Variants in LRP8 observed in about 807,000 individuals in gnomAD.
The protein encoded by LRP8 is LDL receptor related protein 8.
A neutral mutation model predicts 111.6 loss-of-function variants in LRP8; 46 were observed. That is an observed-to-expected ratio of 0.41 (90% CI 0.33 to 0.53). The LOEUF is 0.53. LRP8 is among the 20% of genes least tolerant of loss of function. LRP8 has a pLI of 0.20. For missense variants in LRP8, 959 were observed against 1,297.4 expected (o/e 0.74, Z 4.01); for synonymous variants, 464 against 511.2 (o/e 0.91, Z 1.24).
rs946052596 is a variant in LRP8, at chr1:53,280,819, G to T, written c.368-104C>A. On this transcript the variant is annotated intron_variant, in intron 3 of 18. Transcript: ENST00000306052. ...CCAGCCATCTGGTCCAAGGCCCTAG[G>T]AGTCCATCAGGGCTCTTCTGGCCCA... is the stretch of plus-strand genomic sequence containing the variant. 28 of 1,405,308 alleles carry T rather than the reference G, an allele frequency of 2.0e-5. No individual in the cohort carries two copies. The Admixed American group carries it at 5.3e-4, about 26-fold the overall frequency. The allele number at this position is 1,405,308 out of a possible 1,614,324, so 87.1% of individuals were successfully genotyped here.
intron 2 of LRP8, among the ~76,000 whole-genome samples, chr1:53,311,458 G>A (rs1056732127): frequency 2.0e-5 from 3 of 151,960 alleles, no homozygotes; most frequent in Non-Finnish European, 2.9e-5. Context: ...GCCACAAAGC[G>A]CCCTCCCCCA....
In LRP8 at chr1:53,276,794, T is replaced by TGGCGCAGGCGGC; in HGVS notation, c.769_780dup (p.Ala257_Ala260dup). ...CTGCGGCAGGCGAACTGGGAGGCGG[T>TGGCGCAGGCGGC]GGCGCAGGCGGCGGGCGCGGACGTG... On this transcript the variant is annotated inframe_insertion, in exon 5 of 19. Coordinates refer to ENST00000306052, the MANE Select transcript of LRP8 (RefSeq NM_004631.5). The TGGCGCAGGCGGC allele has an allele frequency of 7.3e-7, 1 of 1,363,576 alleles. No individual in the cohort carries two copies. The highest frequency in any genetic ancestry group is 9.5e-7 in the Non-Finnish European group (1 of 1,053,808). 84.5% of individuals were successfully genotyped at this position (1,363,576 alleles called of 1,614,324 possible).
intron 1 of LRP8, among the ~76,000 whole-genome samples, chr1:53,327,570 C>G (rs569975986): frequency 6.6e-6 from 1 of 152,352 alleles, no homozygotes; most frequent in East Asian, 1.9e-4. Flanking sequence ...CACCCCTCCC[C>G]CAAGATCCGC....
rs1557734195 is a variant in LRP8, at chr1:53,244,233, T to TA, written c.*2784dup. On this transcript the variant is annotated 3_prime_UTR_variant, in exon 19 of 19. Coordinates refer to ENST00000306052, the MANE Select transcript of LRP8 (RefSeq NM_004631.5). The stretch of plus-strand genomic sequence containing the variant: ...ACCATAGTATAGGTAGCAGGTTTGA[T>TA]ACAATGTTCAGGCAGCCCAAAATAG... 6.6e-6 allele frequency: 1 copy of TA among 152,250 alleles called. No homozygotes were observed. Among genetic ancestry groups the TA allele is most frequent in the Non-Finnish European group, 1.5e-5 (1 of 68,042 alleles). The allele number at this position is 152,250 out of a possible 1,614,324, so 9.4% of individuals were successfully genotyped here.
chr1:53,276,632 C>T, intron 5 of LRP8, 60 bp downstream of exon 5: 5 of 1,362,114 alleles, frequency 3.7e-6, no homozygotes, highest in Middle Eastern at 2.0e-4. Flanking sequence ...CTGGCGGATC[C>T]GGATCGGATA....
intron 3 of LRP8, among the ~76,000 whole-genome samples, chr1:53,283,466 G>A (rs1473050328): frequency 2.8e-5 from 4 of 141,844 alleles, no homozygotes; most frequent in South Asian, 2.4e-4. Context: ...CTACATACCC[G>A]GGCCACTTAC....
Position 53,242,742 on chromosome 1 carries a change from A to G in LRP8, c.*4276T>C, listed in dbSNP as rs996178355. 6.6e-6 allele frequency: 1 copy of G among 150,654 alleles called. No homozygotes were observed. Among genetic ancestry groups the G allele is most frequent in the Non-Finnish European group, 1.5e-5 (1 of 67,812 alleles). 9.3% of individuals were successfully genotyped at this position (150,654 alleles called of 1,614,324 possible). ...CCCAAATTAACAACAGCTTGTATGG[A>G]AAAAAAAATGCTCTTTTAAAAGTAT... On this transcript the variant is annotated 3_prime_UTR_variant, in exon 19 of 19. Coordinates refer to ENST00000306052, the MANE Select transcript of LRP8 (RefSeq NM_004631.5).
rs1377006663 is a variant in LRP8, at chr1:53,318,865, T to C, written c.244+8008A>G. ...TCTCTAGAAGGCTATGCTGCTTACATAGTGGTACTAGCAAGGGTGAGAACT... is the reference window on the plus strand; with the variant it reads ...TCTCTAGAAGGCTATGCTGCTTACACAGTGGTACTAGCAAGGGTGAGAACT... On this transcript the variant is annotated intron_variant, in intron 2 of 18. Coordinates refer to ENST00000306052, the MANE Select transcript of LRP8 (RefSeq NM_004631.5). Among the ~76,000 whole-genome samples, 14 of 152,172 alleles carry C rather than the reference T, an allele frequency of 9.2e-5. No homozygotes were observed. The East Asian group carries it at 1.9e-3, about 21-fold the overall frequency.
At chr1:53,257,174 AC>A in intron 15 of LRP8, 65 bp downstream of exon 15, 1 of 1,448,442 alleles carries the variant, frequency 6.9e-7, no homozygotes, top group Non-Finnish European at 9.6e-7. Context: ...CTTATCACAT[AC>A]CCCCTTCCTG....
intron 2 of LRP8, among the ~76,000 whole-genome samples, chr1:53,316,761 G>A (rs1653859274): frequency 6.6e-6 from 1 of 152,256 alleles, no homozygotes; most frequent in African/African-American, 2.4e-5. Flanking sequence ...ACTCGGCAAG[G>A]TGGGAGCAGA....
At chr1:53,276,614 G>A in intron 5 of LRP8, 78 bp downstream of exon 5, 1 of 1,214,532 alleles carries the variant, frequency 8.2e-7, no homozygotes, top group South Asian at 1.4e-5. Flanking sequence ...ATGAAAGGAA[G>A]CCTGCACCTG....
At chr1:53,291,300 C>A (rs1368796612) in intron 2 of LRP8, among the ~76,000 whole-genome samples, 2 of 152,082 alleles carry the variant, frequency 1.3e-5, no homozygotes, top group Non-Finnish European at 1.5e-5. Context: ...GGCGCTCAGA[C>A]CACCAAAGTC....
At chr1:53,272,675 T>C (rs1646796193) in intron 6 of LRP8, 1 of 1,289,448 alleles carries the variant, frequency 7.8e-7, no homozygotes, top group Non-Finnish European at 1.0e-6. Context: ...ACTCCATGAC[T>C]GGGGGACCCA....
At chr1:53,292,174 CTG>C (rs961270376) in intron 2 of LRP8, 1 of 152,264 alleles carries the variant, frequency 6.6e-6, no homozygotes, top group Non-Finnish European at 1.5e-5. Flanking sequence ...GTGAGAGAGA[CTG>C]TGTCTCTGAA....
intron 18 of LRP8, among the ~76,000 whole-genome samples, chr1:53,248,055 C>T (rs1336507540): frequency 3.3e-5 from 5 of 152,204 alleles, no homozygotes; most frequent in African/African-American, 1.2e-4. Context: ...GGACCTACCT[C>T]ACAGGGTTGT....
At chr1:53,315,806 G>C (rs1412690661) in intron 2 of LRP8, among the ~76,000 whole-genome samples, 1 of 152,202 alleles carries the variant, frequency 6.6e-6, no homozygotes, top group Non-Finnish European at 1.5e-5. Flanking sequence ...ATGGCATGTT[G>C]GGGACAAGGT....
At chr1:53,258,581 A>G in intron 13 of LRP8, 110 bp from the exon 14 acceptor site, 2 of 988,100 alleles carry the variant, frequency 2.0e-6, no homozygotes. Flanking sequence ...CTTGCCCTAT[A>G]CTTTTTTTTT....
At position 53,262,716 on chromosome 1, in the gene LRP8, T is replaced by C. The variant is rs893776848; in HGVS notation, c.1656-152A>G. Reference sequence around the variant, plus strand: ...AAAGTTCTTTTGAACCATCAAATCTTAGATTTAGCAGGCACTTTAGCCTTC... The same window carrying C: ...AAAGTTCTTTTGAACCATCAAATCTCAGATTTAGCAGGCACTTTAGCCTTC... On this transcript the variant is annotated intron_variant, in intron 10 of 18. Coordinates refer to ENST00000306052, the MANE Select transcript of LRP8 (RefSeq NM_004631.5). This position sits in a 1 kb window ranked among gnomAD's most constrained non-coding sequence, Gnocchi z 4.8. 1.5e-6 allele frequency: 1 copy of C among 687,926 alleles called. No individual in the cohort carries two copies. Among genetic ancestry groups the C allele is most frequent in the African/African-American group, 1.8e-5 (1 of 56,424 alleles). 42.6% of individuals were successfully genotyped at this position (687,926 alleles called of 1,614,324 possible).
At chr1:53,327,482 G>A (rs1258443648) in intron 1 of LRP8, 4 of 301,968 alleles carry the variant, frequency 1.3e-5, no homozygotes, top group South Asian at 8.7e-5. Context: ...AAACCCCAAC[G>A]GCGAGAATCA....
Sources: allele counts gnomAD v4.1 joint callset (sites outside exome capture counted in the v4.1 genomes callset), GRCh38; gene constraint gnomAD v4.1.1; non-coding constraint Gnocchi (gnomAD v3.1); transcripts MANE v1.5; gene names NCBI Gene and HGNC (gene_info 2026-07-23, HGNC 2026-07-21).